CNIH3: variants seen among roughly 807,000 people sequenced by gnomAD.
CNIH3 encodes the protein protein cornichon homolog 3.
In CNIH3, 14 loss-of-function variants were observed where a neutral mutation model predicts 24.1. The ratio of observed to expected loss-of-function variants is 0.58; its 90% confidence interval spans 0.38 to 0.91. The LOEUF (loss-of-function observed/expected upper bound fraction) is 0.91, where lower values mean the gene tolerates loss of function less well. Among genes scored for constraint, CNIH3 ranks in the 40% least tolerant of loss-of-function variants. CNIH3 has a pLI of 0.00. For missense variants in CNIH3, 178 were observed against 196.8 expected (o/e 0.90, Z 0.57); for synonymous variants, 68 against 73.8 (o/e 0.92, Z 0.40).
At chr1:224,590,851 T>C (rs1176517077), downstream of CNIH3, among the ~76,000 whole-genome samples, 1 of 151,152 alleles carries the variant, frequency 6.6e-6, no homozygotes, top group Admixed American at 6.6e-5. Context: ...TGGTTATATT[T>C]CTGGCCTCTG....
chr1:224,670,517 T>G (rs1685811866), intron 1 of CNIH3, among the ~76,000 whole-genome samples: 1 of 152,148 alleles, frequency 6.6e-6, no homozygotes, highest in South Asian at 2.1e-4. Flanking sequence ...ACACTGCTCT[T>G]GAGACAATGA....
At chr1:224,606,396 T>A (rs1337383018) in intron 3 of CNIH3, among the ~76,000 whole-genome samples, 1 of 152,078 alleles carries the variant, frequency 6.6e-6, no homozygotes, top group Non-Finnish European at 1.5e-5. Flanking sequence ...GGAAAGGGGA[T>A]GGAGTGGGAA....
chr1:224,568,634 G>C (rs983421168), intron 4 of CNIH3, among the ~76,000 whole-genome samples: 37 of 151,690 alleles, frequency 2.4e-4, no homozygotes, highest in African/African-American at 9.0e-4. Flanking sequence ...CACACCTGCA[G>C]TCCCAGCTAC....
chr1:224,600,384 G>T (rs563638977), intron 3 of CNIH3, among the ~76,000 whole-genome samples: 1 of 152,180 alleles, frequency 6.6e-6, no homozygotes, highest in South Asian at 2.1e-4. Flanking sequence ...TAGAGACGGT[G>T]TTTCTCCTTG....
chr1:224,639,007 G>C (rs1168986587), intron 1 of CNIH3, among the ~76,000 whole-genome samples: 1 of 152,192 alleles, frequency 6.6e-6, no homozygotes, highest in Non-Finnish European at 1.5e-5. Flanking sequence ...AAGGTGATAT[G>C]TATCTCTTGC....
chr1:224,442,365 A>G (rs1261171064), intron 1 of CNIH3, among the ~76,000 whole-genome samples: 3 of 152,178 alleles, frequency 2.0e-5, no homozygotes, highest in African/African-American at 7.2e-5. Flanking sequence ...TTCCTGAAAA[A>G]TAAGGATGTA....
At chr1:224,546,438 C>T (rs747701790) in intron 2 of CNIH3, among the ~76,000 whole-genome samples, 7 of 152,066 alleles carry the variant, frequency 4.6e-5, no homozygotes, top group Non-Finnish European at 1.0e-4. Flanking sequence ...AGGAGAGACA[C>T]GAGGTTAGAC....
intron 2 of CNIH3, 129 bp downstream of exon 2, chr1:224,681,155 C>G: frequency 1.3e-6 from 1 of 785,212 alleles, no homozygotes; most frequent in African/African-American, 1.7e-5. Flanking sequence ...GCCTCTCTAC[C>G]TGGCTCAAGG....
chr1:224,508,667 ATTAC>A (rs1412603239), intron 1 of CNIH3, among the ~76,000 whole-genome samples: 1 of 152,212 alleles, frequency 6.6e-6, no homozygotes, highest in Non-Finnish European at 1.5e-5. Context: ...ATGATATCCC[ATTAC>A]TTAGAGTATC....
In CNIH3 at chr1:224,730,530, C is replaced by A; in HGVS notation, c.267C>A (p.Leu89=). 6.4e-7 allele frequency: 1 copy of A among 1,560,742 alleles called. No homozygotes were observed. Among genetic ancestry groups the A allele is most frequent in the Non-Finnish European group, 8.7e-7 (1 of 1,150,994 alleles). ...CIMFLCAQEW[L]TLGLNVPLLF... ...TGTTCCTGTGTGCGCAAGAGTGGCT[C>A]ACGCTGGGGCTGAATGTCCCTCTAC... Residue 89 remains leucine, a synonymous_variant, in exon 4 of 6, where the codon CTC becomes CTA. Coordinates refer to ENST00000272133, the MANE Select transcript of CNIH3 (RefSeq NM_152495.2).
At chr1:224,611,436 T>A (rs142290591), upstream of CNIH3, 2 of 152,212 alleles carry the variant, frequency 1.3e-5, no homozygotes, top group African/African-American at 4.8e-5. Context: ...TCTCTTTCAA[T>A]AAGAAGTCAG....
intron 1 of CNIH3, among the ~76,000 whole-genome samples, chr1:224,669,591 T>C (rs551341502): frequency 6.6e-6 from 1 of 152,300 alleles, no homozygotes; most frequent in African/African-American, 2.4e-5. Context: ...GGTGTGTTGC[T>C]AATGATCATG....
chr1:224,605,163 C>A (rs1351522734), intron 3 of CNIH3, among the ~76,000 whole-genome samples: 1 of 152,212 alleles, frequency 6.6e-6, no homozygotes, highest in Non-Finnish European at 1.5e-5. Context: ...GTACCGCAAA[C>A]AGGAAGACAA....
intron 3 of CNIH3, among the ~76,000 whole-genome samples, chr1:224,552,163 C>T (rs563698288): frequency 9.9e-5 from 15 of 150,968 alleles, no homozygotes; most frequent in South Asian, 4.2e-4. Context: ...GGTGTATACC[C>T]CCTGTGATAT....
At chr1:224,668,187 G>A (rs1685688141) in intron 1 of CNIH3, among the ~76,000 whole-genome samples, 1 of 152,210 alleles carries the variant, frequency 6.6e-6, no homozygotes, top group African/African-American at 2.4e-5. Flanking sequence ...CAATGATGAT[G>A]TCTCAAAACA....
intron 5 of CNIH3, among the ~76,000 whole-genome samples, chr1:224,738,960 G>T (rs555731049): frequency 6.6e-6 from 1 of 152,214 alleles, no homozygotes; most frequent in Admixed American, 6.5e-5. Context: ...GCAAGCACAT[G>T]GCAGCTGGTG....
At chr1:224,694,973 C>T (rs963856527) in intron 3 of CNIH3, among the ~76,000 whole-genome samples, 7 of 152,038 alleles carry the variant, frequency 4.6e-5, no homozygotes, top group Admixed American at 6.5e-5. Context: ...AAAGACTACA[C>T]GTTGGGTACA....
Position 224,681,010 on chromosome 1 carries a change from G to A in CNIH3, c.134G>A (p.Cys45Tyr). The change falls in exon 2 of 6, where the codon TGC (cysteine) becomes TAC (tyrosine). Residue 45 changes from cysteine (C) to tyrosine (Y), a missense_variant. Cys to Tyr is a radical substitution (Grantham distance 194). Coordinates refer to ENST00000272133, the MANE Select transcript of CNIH3 (RefSeq NM_152495.2). ...GATTTTAAGAGCCCCATAGACCAGT[G>A]CAATCCTGTTCATGCGGTAAGTGGC... ...RTDFKSPIDQ[C>Y]NPVHARERLR... 6.2e-7 allele frequency: 1 copy of A among 1,614,064 alleles called. No homozygotes were observed. The highest frequency in any genetic ancestry group is 1.1e-5 in the South Asian group (1 of 91,068).
chr1:224,495,142 G>C (rs1677384271), intron 1 of CNIH3, among the ~76,000 whole-genome samples: 1 of 152,176 alleles, frequency 6.6e-6, no homozygotes, highest in Non-Finnish European at 1.5e-5. Context: ...AGACCTTCCT[G>C]AGACCCCTAC....
Sources: allele counts gnomAD v4.1 joint callset (sites outside exome capture counted in the v4.1 genomes callset), GRCh38; gene constraint gnomAD v4.1.1; transcripts MANE v1.5; gene names NCBI Gene and HGNC (gene_info 2026-07-23, HGNC 2026-07-21).